ANKHD1: variants seen among roughly 807,000 people sequenced by gnomAD.
ANKHD1 encodes ankyrin repeat and KH domain containing 1, also known as ankyrin repeat and KH domain-containing protein 1.
ANKHD1 carries 31 observed loss-of-function variants against 230.5 expected under a neutral mutation model. The ratio of observed to expected loss-of-function variants is 0.13; its 90% CI spans 0.10 to 0.18. The LOEUF (loss-of-function observed/expected upper bound fraction) is 0.18, where lower values mean the gene tolerates loss of function less well. Ranked by LOEUF, ANKHD1 falls within the 10% of genes least tolerant of loss-of-function variation. ANKHD1 has a pLI of 1.00. For missense variants in ANKHD1, 2,256 were observed against 3,071.3 expected (o/e 0.73, Z 6.27); for synonymous variants, 1,074 against 1,117.6 (o/e 0.96, Z 0.78).
At chr5:140,443,217 C>G (rs755577846) in intron 5 of ANKHD1, among the ~76,000 whole-genome samples, 1 of 151,954 alleles carries the variant, frequency 6.6e-6, no homozygotes, top group South Asian at 2.1e-4. Context: ...TTATTAACTT[C>G]TTAACAAACT....
At chr5:140,504,469 A>C (rs1752460120) in intron 15 of ANKHD1, among the ~76,000 whole-genome samples, 1 of 152,130 alleles carries the variant, frequency 6.6e-6, no homozygotes, top group South Asian at 2.1e-4. Context: ...CCCTGTTGGC[A>C]ATGCAAAAAG....
At chr5:140,427,571 G>A (rs1462846541) in intron 1 of ANKHD1, among the ~76,000 whole-genome samples, 4 of 141,668 alleles carry the variant, frequency 2.8e-5, no homozygotes, top group African/African-American at 5.2e-5. Context: ...CCTCCCTTGC[G>A]GACGGGGCGG....
chr5:140,508,468 T>G (rs1561811626), intron 20 of ANKHD1, among the ~76,000 whole-genome samples: 1 of 152,248 alleles, frequency 6.6e-6, no homozygotes, highest in East Asian at 1.9e-4. Context: ...TAGGAGTTAG[T>G]GGAGGCTGGG....
At chr5:140,497,320 G>A (rs1752077680) in intron 15 of ANKHD1, 42 bp downstream of exon 15, 1 of 1,548,500 alleles carries the variant, frequency 6.5e-7, no homozygotes, top group African/African-American at 1.4e-5. Context: ...TCTTTAATCT[G>A]TGTGCTGAAC....
In ANKHD1 at chr5:140,535,515, C is replaced by G. The variant is rs536950772; in HGVS notation, c.7004C>G (p.Pro2335Arg). The change falls in exon 30 of 34, where the codon CCT becomes CGT. Residue 2335 changes from proline to arginine, a missense_variant. Physicochemically the swap from Pro to Arg is moderately radical, Grantham distance 103 (BLOSUM62 -2). This residue lies in a region of ANKHD1 where 778 missense variants were observed against 966.5 expected (regional missense o/e 0.80). Transcript: ENST00000360839. Reference protein sequence around the residue: ...SFNRQHFSPHPWTSASNSSTS... With the variant: ...SFNRQHFSPHRWTSASNSSTS... ...AACAGACAACATTTTTCTCCCCATC[C>G]TTGGACAAGCGCCTCAAACTCATGT... is the stretch of plus-strand genomic sequence containing the variant. 1 of 1,609,424 alleles carries G rather than the reference C, an allele frequency of 6.2e-7. No individual in the cohort carries two copies. The highest frequency in any genetic ancestry group is 1.7e-5 in the Admixed American group (1 of 58,644).
chr5:140,444,909 G>A (rs754666868), intron 5 of ANKHD1, among the ~76,000 whole-genome samples: 13 of 152,008 alleles, frequency 8.6e-5, no homozygotes, highest in Non-Finnish European at 1.3e-4. Flanking sequence ...ATAACATATA[G>A]TCTTTTGTAT....
chr5:140,424,691 G>A (rs576578891), intron 1 of ANKHD1, among the ~76,000 whole-genome samples: 98 of 152,270 alleles, frequency 6.4e-4, no homozygotes, highest in Middle Eastern at 3.4e-3. Context: ...GAGTTAGTGG[G>A]CTTGATAATC....
At chr5:140,433,006 T>C (rs1773167486) in intron 1 of ANKHD1, among the ~76,000 whole-genome samples, 1 of 149,144 alleles carries the variant, frequency 6.7e-6, no homozygotes, top group Non-Finnish European at 1.5e-5. Context: ...GCTCGGCTCG[T>C]ACCTTACATT....
intron 14 of ANKHD1, among the ~76,000 whole-genome samples, chr5:140,489,441 G>A (rs1751670015): frequency 6.6e-6 from 1 of 152,040 alleles, no homozygotes; most frequent in Non-Finnish European, 1.5e-5. Context: ...AGTGAGCTAT[G>A]ATTGTACCAC....
intron 14 of ANKHD1, among the ~76,000 whole-genome samples, chr5:140,495,567 T>A (rs952312045): frequency 2.0e-5 from 3 of 152,172 alleles, no homozygotes; most frequent in Admixed American, 1.3e-4. Flanking sequence ...TAAACAAGAT[T>A]AAGCCTTAGA....
chr5:140,429,619 TAAAC>T (rs1282786802), intron 1 of ANKHD1, among the ~76,000 whole-genome samples: 1 of 152,196 alleles, frequency 6.6e-6, no homozygotes, highest in South Asian at 2.1e-4. Flanking sequence ...AGAGAATACA[TAAAC>T]AAATATATGT....
intron 7 of ANKHD1, among the ~76,000 whole-genome samples, chr5:140,454,505 A>C (rs1005479475): frequency 2.0e-5 from 3 of 152,240 alleles, no homozygotes; most frequent in African/African-American, 7.2e-5. Flanking sequence ...AGATTATAAC[A>C]AACTGTCTCT....
chr5:140,491,865 T>G (rs1174008029), intron 14 of ANKHD1, among the ~76,000 whole-genome samples: 1 of 152,192 alleles, frequency 6.6e-6, no homozygotes, highest in Non-Finnish European at 1.5e-5. Flanking sequence ...ATTGAATAAA[T>G]TAATGAGTGC....
At position 140,524,213 on chromosome 5, in the gene ANKHD1, G is replaced by A; in HGVS notation, c.4465G>A (p.Glu1489Lys). 7 of 1,586,140 alleles carry A rather than the reference G, an allele frequency of 4.4e-6. No individual in the cohort carries two copies. Among genetic ancestry groups the A allele is most frequent in the Non-Finnish European group, 6.0e-6 (7 of 1,173,104 alleles). Reference protein sequence around the residue: ...PKENSELPEDEDEEENDEDVE... With the variant: ...PKENSELPEDKDEEENDEDVE... ...GGAGAATTCGGAACTACCAGAGGAT[G>A]AAGATGAAGAGGAGAATGATGAAGA... The change falls in exon 25 of 34, where the codon GAA becomes AAA. Residue 1489 changes from glutamate to lysine, a missense_variant. Coordinates refer to ENST00000360839, the MANE Select transcript of ANKHD1 (RefSeq NM_017747.3).
intron 13 of ANKHD1, 113 bp from the exon 14 acceptor site, chr5:140,486,845 A>G: frequency 1.8e-6 from 2 of 1,095,510 alleles, no homozygotes; most frequent in East Asian, 2.8e-5. Flanking sequence ...TCAGGAAACA[A>G]AAGTGCATTT....
In ANKHD1 at chr5:140,527,856, T is replaced by C. The variant is rs1223803208; in HGVS notation, c.5088-17T>C. 5.0e-6 allele frequency: 8 copies of C among 1,609,286 alleles called. No homozygotes were observed. The highest frequency in any genetic ancestry group is 5.9e-6 in the Non-Finnish European group (7 of 1,177,920). ...ACATTTAATTTCATAAGCTCATGTG[T>C]ATTCTTCATTTTATAGGTCAAAGAA... On this transcript the variant is annotated splice_polypyrimidine_tract_variant and intron_variant, in intron 27 of 33. Coordinates refer to ENST00000360839, the MANE Select transcript of ANKHD1 (RefSeq NM_017747.3). This position sits in a 1 kb window ranked among gnomAD's most constrained non-coding sequence, Gnocchi z 4.5.
intron 1 of ANKHD1, among the ~76,000 whole-genome samples, chr5:140,413,209 AT>A (rs1771080698): frequency 6.6e-6 from 1 of 152,212 alleles, no homozygotes; most frequent in Non-Finnish European, 1.5e-5. Context: ...GGACAATTAG[AT>A]TGAGAACGAG....
chr5:140,539,137 T>C, intron 33 of ANKHD1, 54 bp downstream of exon 33: 1 of 1,553,678 alleles, frequency 6.4e-7, no homozygotes, highest in African/African-American at 1.4e-5. Flanking sequence ...TCATTCTTTT[T>C]GTTTTGTGAG....
At chr5:140,492,281 C>G (rs1475723408) in intron 14 of ANKHD1, among the ~76,000 whole-genome samples, 4 of 152,068 alleles carry the variant, frequency 2.6e-5, no homozygotes, top group Non-Finnish European at 5.9e-5. Context: ...CATATAACTG[C>G]TTATAGTAAT....
Sources: gnomAD v4.1 joint callset for allele counts (sites outside exome capture counted in the v4.1 genomes callset) on GRCh38, gnomAD v4.1.1 for gene constraint, gnomAD v4.1.1 regional missense constraint, Gnocchi (gnomAD v3.1) non-coding constraint, MANE v1.5 for transcripts, NCBI Gene and HGNC (gene_info 2026-07-23, HGNC 2026-07-21) for gene names.